Variants in FAM117B observed in about 807,000 individuals in gnomAD.
FAM117B encodes the protein protein FAM117B.
FAM117B carries 22 observed loss-of-function variants against 52.8 expected under a neutral mutation model. The ratio of observed to expected loss-of-function variants is 0.42; its 90% confidence interval spans 0.30 to 0.59. The LOEUF (loss-of-function observed/expected upper bound fraction) is 0.59. FAM117B is among the 20% of genes least tolerant of loss of function. The pLI is 0.22. For missense variants in FAM117B, 678 were observed against 802.6 expected, an observed-to-expected ratio of 0.84 and a Z score of 1.88; for synonymous variants, 309 against 324.1, an observed-to-expected ratio of 0.95 and a Z score of 0.50.
At chr2:202,710,720 C>A (rs1286835391) in intron 2 of FAM117B, among the ~76,000 whole-genome samples, 1 of 152,032 alleles carries the variant, frequency 6.6e-6, no homozygotes, top group Non-Finnish European at 1.5e-5. Flanking sequence ...CTGCTGCTAA[C>A]CTTCTCAGCC....
chr2:202,739,200 C>T (rs1477871625), intron 4 of FAM117B, among the ~76,000 whole-genome samples: 1 of 152,084 alleles, frequency 6.6e-6, no homozygotes, highest in South Asian at 2.1e-4. Flanking sequence ...AAAACAACAA[C>T]AACAAAAATC....
chr2:202,635,044 G>A lies in FAM117B; in HGVS notation c.-144G>A. On this transcript the variant is annotated 5_prime_UTR_variant, in exon 1 of 8. Transcript: ENST00000392238. ...GCACCACCTCGTTGCTGCCTGCCCC[G>A]GCCCGGTCTCCCCCTGCACCCCGGA... The A allele has an allele frequency of 9.3e-7, 1 of 1,077,024 alleles. No individual in the cohort carries two copies. The highest frequency in any genetic ancestry group is 1.2e-6 in the Non-Finnish European group (1 of 853,224). 66.7% of individuals were successfully genotyped at this position (1,077,024 alleles called of 1,614,324 possible).
At chr2:202,759,106 A>C in intron 6 of FAM117B, 127 bp from the exon 7 acceptor site, 1 of 956,122 alleles carries the variant, frequency 1.0e-6, no homozygotes, top group Non-Finnish European at 1.5e-6. Context: ...AACAAACATT[A>C]ATTATCTCCT....
At chr2:202,671,717 G>T (rs1421486569) in intron 1 of FAM117B, among the ~76,000 whole-genome samples, 2 of 152,198 alleles carry the variant, frequency 1.3e-5, no homozygotes, top group East Asian at 1.9e-4. Flanking sequence ...CCCATATATT[G>T]GTAGAGCAGT....
intron 2 of FAM117B, among the ~76,000 whole-genome samples, chr2:202,713,112 CT>C (rs1193259013): frequency 6.6e-6 from 1 of 152,016 alleles, no homozygotes; most frequent in African/African-American, 2.4e-5. Flanking sequence ...GGTGTTAGTT[CT>C]TCTTTAAATG....
chr2:202,681,245 G>A lies in FAM117B; in HGVS notation c.602-14636G>A, dbSNP rs187844164. ...AAACCAAGATTATGAAGGAAGAGAAGGGGAAAAAAGAACAAAGAACAGGTA... is the reference window on the plus strand; with the variant it reads ...AAACCAAGATTATGAAGGAAGAGAAAGGGAAAAAAGAACAAAGAACAGGTA... On this transcript the variant is annotated intron_variant, in intron 1 of 7. Transcript: ENST00000392238. Among the ~76,000 whole-genome samples the A allele has an allele frequency of 1.1e-4, 16 of 151,718 alleles. No homozygotes were observed. The East Asian group carries it at 2.5e-3, about 24-fold the overall frequency.
intron 1 of FAM117B, among the ~76,000 whole-genome samples, chr2:202,690,770 G>T (rs1354470549): frequency 1.3e-5 from 2 of 152,116 alleles, no homozygotes; most frequent in Non-Finnish European, 2.9e-5. Flanking sequence ...CTTGTTAGCT[G>T]TCAGTTTCTT....
chr2:202,644,444 T>A (rs941851563), intron 1 of FAM117B, among the ~76,000 whole-genome samples: 6 of 152,200 alleles, frequency 3.9e-5, no homozygotes, highest in African/African-American at 1.4e-4. Context: ...CTTGGAGATA[T>A]GTCTTTTGGA....
chr2:202,752,250 C>T (rs1209173715), intron 4 of FAM117B, among the ~76,000 whole-genome samples: 1 of 152,124 alleles, frequency 6.6e-6, no homozygotes, highest in Non-Finnish European at 1.5e-5. Context: ...TCTTTAAAGC[C>T]ATGAGGTAGG....
chr2:202,665,378 C>A (rs185764686), intron 1 of FAM117B, among the ~76,000 whole-genome samples: 44 of 152,006 alleles, frequency 2.9e-4, no homozygotes, highest in African/African-American at 9.9e-4. Context: ...CATATAGAAT[C>A]TTTTTTACTT....
intron 2 of FAM117B, among the ~76,000 whole-genome samples, chr2:202,715,283 G>T (rs1691031342): frequency 6.6e-6 from 1 of 151,374 alleles, no homozygotes; most frequent in African/African-American, 2.4e-5. Flanking sequence ...CCGGGACGGG[G>T]CGGCTGGCCT....
At chr2:202,680,608 C>T (rs1020886303) in intron 1 of FAM117B, among the ~76,000 whole-genome samples, 7 of 152,000 alleles carry the variant, frequency 4.6e-5, no homozygotes, top group African/African-American at 9.6e-5. Flanking sequence ...TAAAGAAAAA[C>T]GACATTTTAT....
intron 4 of FAM117B, among the ~76,000 whole-genome samples, chr2:202,732,124 C>T (rs1417170667): frequency 1.3e-5 from 2 of 151,102 alleles, no homozygotes; most frequent in East Asian, 1.9e-4. Flanking sequence ...CTCCTGGCCT[C>T]AGGTGATCCA....
At chr2:202,752,618 A>G (rs1293481159) in intron 4 of FAM117B, among the ~76,000 whole-genome samples, 1 of 152,014 alleles carries the variant, frequency 6.6e-6, no homozygotes, top group Non-Finnish European at 1.5e-5. Flanking sequence ...CCTCTTCCTG[A>G]AAGAGGTTTT....
At chr2:202,729,589 A>G (rs530773317) in intron 4 of FAM117B, among the ~76,000 whole-genome samples, 3 of 152,352 alleles carry the variant, frequency 2.0e-5, no homozygotes, top group East Asian at 1.9e-4. Flanking sequence ...AGATATGAGT[A>G]AACAGTTAAT....
At chr2:202,755,404 G>T in intron 4 of FAM117B, 134 bp from the exon 5 acceptor site, 2 of 990,386 alleles carry the variant, frequency 2.0e-6, no homozygotes, top group Non-Finnish European at 3.0e-6. Context: ...GAGCAGGTTT[G>T]GTCACTCACA....
intron 1 of FAM117B, among the ~76,000 whole-genome samples, chr2:202,684,685 T>TTA (rs148245639): frequency 0.081 from 12,373 of 152,182 alleles, 1,676 homozygotes; most frequent in African/African-American, 0.28. Flanking sequence ...TAGGCATGAA[T>TTA]TATAGTGCTG....
chr2:202,672,125 A>G (rs1690308372), intron 1 of FAM117B, among the ~76,000 whole-genome samples: 2 of 152,208 alleles, frequency 1.3e-5, no homozygotes, highest in African/African-American at 4.8e-5. Context: ...TAATTTTAAT[A>G]GAGTCTTCAA....
chr2:202,672,156 A>G (rs1053180492), intron 1 of FAM117B, among the ~76,000 whole-genome samples: 16 of 152,182 alleles, frequency 1.1e-4, no homozygotes, highest in African/African-American at 3.6e-4. Flanking sequence ...AATCACATTT[A>G]TTCTTTTTTA....
Sources: allele counts gnomAD v4.1 joint callset (sites outside exome capture counted in the v4.1 genomes callset), GRCh38; gene constraint gnomAD v4.1.1; transcripts MANE v1.5; gene names NCBI Gene and HGNC (gene_info 2026-07-23, HGNC 2026-07-21).